The following SDHAF3 variants were observed in gnomAD, a reference collection of about 807,000 sequenced individuals.
SDHAF3 encodes succinate dehydrogenase complex assembly factor 3, also known as succinate dehydrogenase assembly factor 3, mitochondrial.
A neutral mutation model predicts 11.5 loss-of-function variants in SDHAF3; 18 were observed. The ratio of observed to expected loss-of-function variants is 1.56; its 90% CI spans 1.08 to 2.32. The LOEUF (loss-of-function observed/expected upper bound fraction) is 2.32, where lower values mean the gene tolerates loss of function less well. Among genes scored for constraint, SDHAF3 ranks in the 30% most tolerant of loss-of-function variants. The pLI is 0.00. For missense variants in SDHAF3, 200 were observed against 154.4 expected, an observed-to-expected ratio of 1.30 and a Z score of -1.57; for synonymous variants, 72 against 59.3, an observed-to-expected ratio of 1.21 and a Z score of -0.99.
chr7:97,121,953 G>C (rs1435800178), intron 1 of SDHAF3, among the ~76,000 whole-genome samples: 1 of 151,520 alleles, frequency 6.6e-6, no homozygotes, highest in Non-Finnish European at 1.5e-5. Flanking sequence ...CGCCTCCCAG[G>C]TTCATGCCAT....
intron 1 of SDHAF3, among the ~76,000 whole-genome samples, chr7:97,138,196 G>C (rs528795236): frequency 1.4e-5 from 2 of 141,910 alleles, no homozygotes; most frequent in African/African-American, 5.2e-5. Context: ...CAGAGTCTTT[G>C]TTTCCCAGGC....
At chr7:97,144,336 A>G (rs943880856) in intron 1 of SDHAF3, among the ~76,000 whole-genome samples, 2 of 151,972 alleles carry the variant, frequency 1.3e-5, no homozygotes, top group Non-Finnish European at 2.9e-5. Context: ...GGTCCCAGCT[A>G]TTTATCTTTG....
At chr7:97,162,862 T>A (rs1048996428) in intron 1 of SDHAF3, among the ~76,000 whole-genome samples, 16 of 152,194 alleles carry the variant, frequency 1.1e-4, no homozygotes, top group African/African-American at 3.9e-4. Context: ...AGAATGTATA[T>A]TCTGTTGATT....
At chr7:97,150,406 A>C (rs756373370) in intron 1 of SDHAF3, among the ~76,000 whole-genome samples, 3 of 152,172 alleles carry the variant, frequency 2.0e-5, no homozygotes, top group African/African-American at 4.8e-5. Context: ...ATAAGACTTG[A>C]AAGTCAAAAT....
At position 97,151,690 on chromosome 7, in the gene SDHAF3, G is replaced by A. The variant is rs181754269; in HGVS notation, c.175-29322G>A. ...ATTTTTTTGTATTTTTAGTAGAGAC[G>A]GGGTTTCACAGTGTTCACCAGGATG... is the stretch of plus-strand genomic sequence containing the variant. On this transcript the variant is annotated intron_variant, in intron 1 of 1. Transcript: ENST00000432641. Among the ~76,000 whole-genome samples, 311 of 152,056 alleles carry A rather than the reference G, an allele frequency of 2.0e-3. 1 individual carries two copies. The highest frequency in any genetic ancestry group is 3.6e-3 in the Non-Finnish European group (245 of 67,992).
intron 1 of SDHAF3, among the ~76,000 whole-genome samples, chr7:97,159,838 C>T (rs1247052694): frequency 6.6e-6 from 1 of 152,086 alleles, no homozygotes; most frequent in African/African-American, 2.4e-5. Flanking sequence ...TCGGGAGTTT[C>T]GAGAAGGTTG....
intron 1 of SDHAF3, among the ~76,000 whole-genome samples, chr7:97,167,264 T>A (rs907778830): frequency 6.6e-6 from 1 of 152,148 alleles, no homozygotes; most frequent in African/African-American, 2.4e-5. Flanking sequence ...TTTAAAAGTG[T>A]GTAGCACTTC....
chr7:97,128,874 C>CT (rs925353215), intron 1 of SDHAF3, among the ~76,000 whole-genome samples: 3 of 151,270 alleles, frequency 2.0e-5, no homozygotes, highest in African/African-American at 7.3e-5. Context: ...AGTTGGTGCA[C>CT]TTTTTTTTTC....
At chr7:97,126,944 G>A (rs1332200551) in intron 1 of SDHAF3, among the ~76,000 whole-genome samples, 3 of 151,832 alleles carry the variant, frequency 2.0e-5, no homozygotes, top group Non-Finnish European at 4.4e-5. Context: ...GTAGACACAC[G>A]AGGGAATCTC....
At position 97,126,845 on chromosome 7, in the gene SDHAF3, GA is replaced by G. The variant is rs553016957; in HGVS notation, c.174+8965del. 4.9e-3 allele frequency among the ~76,000 whole-genome samples: 572 copies of G among 117,574 alleles called. 3 individuals carry two copies. Among genetic ancestry groups the G allele is most frequent in the African/African-American group, 0.013 (406 of 30,084 alleles). The allele number at this position is 117,574 out of a possible 152,430, so 77.1% of individuals were successfully genotyped here. A position where few individuals can be genotyped will look rare whatever the true frequency, so the allele number is the denominator to read the frequency against. ...GGGTTCCAGGCACCACTGGAGTACC[GA>G]AAAAAAAAAAAAAAAACCCTGCAGC... On this transcript the variant is annotated intron_variant, in intron 1 of 1. Transcript: ENST00000432641.
chr7:97,168,555 A>G (rs1318299213), intron 1 of SDHAF3, among the ~76,000 whole-genome samples: 1 of 152,204 alleles, frequency 6.6e-6, no homozygotes, highest in Non-Finnish European at 1.5e-5. Context: ...TCACTGTCTC[A>G]GTTATAATTT....
At chr7:97,140,628 A>G (rs549746527) in intron 1 of SDHAF3, among the ~76,000 whole-genome samples, 223 of 152,310 alleles carry the variant, frequency 1.5e-3, no homozygotes, top group African/African-American at 4.9e-3. Flanking sequence ...CTTTACTGCA[A>G]TCTCTGAACA....
chr7:97,118,421 G>T (rs2115603927), intron 1 of SDHAF3, among the ~76,000 whole-genome samples: 1 of 152,322 alleles, frequency 6.6e-6, no homozygotes, highest in Non-Finnish European at 1.5e-5. Context: ...AACTGTGAAG[G>T]AGAAAAATGC....
intron 1 of SDHAF3, among the ~76,000 whole-genome samples, chr7:97,122,289 A>G (rs903966994): frequency 1.3e-5 from 2 of 152,240 alleles, no homozygotes; most frequent in African/African-American, 4.8e-5. Context: ...TTAAGTTTTT[A>G]TTTTGAATCA....
rs773297924 is a variant in SDHAF3, at chr7:97,181,238, G to T, written c.*23G>T. ...TAGTCTATACAACAAAGCTTAATAA[G>T]ACATGCAAAAATTTAGAACCCCTAC... On this transcript the variant is annotated 3_prime_UTR_variant, in exon 2 of 2. Coordinates refer to ENST00000432641, the MANE Select transcript of SDHAF3 (RefSeq NM_020186.3). The T allele has an allele frequency of 1.9e-6, 3 of 1,561,058 alleles. No individual in the cohort carries two copies. Among genetic ancestry groups the T allele is most frequent in the Non-Finnish European group, 2.6e-6 (3 of 1,154,024 alleles).
chr7:97,136,521 A>G (rs1791772990), intron 1 of SDHAF3: 2 of 589,660 alleles, frequency 3.4e-6, no homozygotes, highest in Admixed American at 5.5e-5. Context: ...ACAAAATGCT[A>G]TCAAAATATT....
intron 1 of SDHAF3, among the ~76,000 whole-genome samples, chr7:97,178,112 GAATTTT>G (rs1462554537): frequency 6.6e-6 from 1 of 152,008 alleles, no homozygotes; most frequent in Non-Finnish European, 1.5e-5. Context: ...TTCTGTCTAT[GAATTTT>G]CCTATTCTAG....
At position 97,123,868 on chromosome 7, in the gene SDHAF3, T is replaced by G. The variant is rs184704435; in HGVS notation, c.174+5971T>G. 5.3e-5 allele frequency among the ~76,000 whole-genome samples: 8 copies of G among 151,896 alleles called. No homozygotes were observed. In the East Asian group the frequency reaches 1.5e-3, roughly 29 times the overall value. The stretch of plus-strand genomic sequence containing the variant: ...GTTTTTTTTTTTTCTTGTAAATTTG[T>G]TTAAGTTCCTTGTAGATTCTGGATA... On this transcript the variant is annotated intron_variant, in intron 1 of 1. Transcript: ENST00000432641.
At chr7:97,166,196 G>A (rs1180582331) in intron 1 of SDHAF3, among the ~76,000 whole-genome samples, 1 of 152,198 alleles carries the variant, frequency 6.6e-6, no homozygotes, top group East Asian at 1.9e-4. Flanking sequence ...GTAGTTTTTT[G>A]TCAAAGTTAA....
Sources: allele counts gnomAD v4.1 joint callset (sites outside exome capture counted in the v4.1 genomes callset), GRCh38; gene constraint gnomAD v4.1.1; transcripts MANE v1.5; gene names NCBI Gene and HGNC (gene_info 2026-07-23, HGNC 2026-07-21).